The following CXADR variants were observed in gnomAD, a reference collection of about 807,000 sequenced individuals.
CXADR encodes CXADR cell adhesion molecule, also known as coxsackievirus and adenovirus receptor.
Under a neutral mutation model 40.3 loss-of-function variants are expected in CXADR, and 20 were observed. The ratio of observed to expected loss-of-function variants is 0.50; its 90% CI spans 0.35 to 0.72. The LOEUF is 0.72. Ranked by LOEUF, CXADR falls within the 30% of genes least tolerant of loss-of-function variation. The pLI, the probability that CXADR is intolerant of heterozygous loss-of-function variation, is 0.01. For missense variants in CXADR, 332 were observed against 449.1 expected, an observed-to-expected ratio of 0.74 and a Z score of 2.36; for synonymous variants, 150 against 161.3, an observed-to-expected ratio of 0.93 and a Z score of 0.53.
downstream of CXADR, among the ~76,000 whole-genome samples, chr21:17,575,028 C>T (rs2061310140): frequency 6.6e-6 from 1 of 151,690 alleles, no homozygotes; most frequent in East Asian, 1.9e-4. Context: ...TACATACATA[C>T]ATACATACAT....
In CXADR at chr21:17,568,716, G is replaced by C; in HGVS notation, c.*3024G>C. ...AGTTCTGTACTTTGAATATGGAGTA[G>C]TTTACAGCTATTTTTTTTTCTTACT... On this transcript the variant is annotated 3_prime_UTR_variant, in exon 7 of 7. Coordinates refer to ENST00000284878, the MANE Select transcript of CXADR (RefSeq NM_001338.5). 1.0e-6 allele frequency: 1 copy of C among 984,984 alleles called. No individual in the cohort carries two copies. Among genetic ancestry groups the C allele is most frequent in the Non-Finnish European group, 1.2e-6 (1 of 829,878 alleles). 61.0% of individuals were successfully genotyped at this position (984,984 alleles called of 1,614,324 possible).
intron 1 of CXADR, among the ~76,000 whole-genome samples, chr21:17,533,084 C>G (rs1331079012): frequency 6.6e-6 from 1 of 152,098 alleles, no homozygotes; most frequent in Non-Finnish European, 1.5e-5. Context: ...GTTGATTGAT[C>G]AATGGGCTAG....
intron 1 of CXADR, chr21:17,518,472 A>G (rs925801991): frequency 8.1e-6 from 6 of 744,930 alleles, no homozygotes; most frequent in Non-Finnish European, 1.5e-5. Flanking sequence ...AAACTTTGGA[A>G]CCACATAGCT....
At chr21:17,591,450 C>G (rs975406207) in intron 7 of CXADR, among the ~76,000 whole-genome samples, 1 of 151,934 alleles carries the variant, frequency 6.6e-6, no homozygotes. Context: ...TTAACACATA[C>G]CTCTGTTAGC....
At chr21:17,553,879 A>G (rs1250724009) in intron 3 of CXADR, among the ~76,000 whole-genome samples, 1 of 152,140 alleles carries the variant, frequency 6.6e-6, no homozygotes, top group East Asian at 1.9e-4. Flanking sequence ...GGCCTCCCAA[A>G]GTGCTGGGAT....
At chr21:17,588,378 C>A (rs1259211401) in intron 7 of CXADR, among the ~76,000 whole-genome samples, 1 of 152,114 alleles carries the variant, frequency 6.6e-6, no homozygotes, top group Non-Finnish European at 1.5e-5. Flanking sequence ...ATGGAATGTT[C>A]TTCCGTTTGT....
At chr21:17,578,244 G>A (rs1185178995) in intron 7 of CXADR, among the ~76,000 whole-genome samples, 1 of 152,214 alleles carries the variant, frequency 6.6e-6, no homozygotes, top group Admixed American at 6.5e-5. Context: ...ACCACCAGCA[G>A]TGTACAAGAG....
chr21:17,597,387 G>GA (rs970374318), downstream of CXADR, among the ~76,000 whole-genome samples: 6 of 150,294 alleles, frequency 4.0e-5, no homozygotes, highest in Non-Finnish European at 3.0e-5. Flanking sequence ...ATCACACAGA[G>GA]AAAAAAAATG....
chr21:17,578,051 TG>T, intron 7 of CXADR, among the ~76,000 whole-genome samples: 1 of 152,278 alleles, frequency 6.6e-6, no homozygotes, highest in South Asian at 2.1e-4. Context: ...ACATTTAGGT[TG>T]TTTCCACATC....
chr21:17,598,759 T>C, the CXADR span: 1 of 1,614,228 alleles, frequency 6.2e-7, no homozygotes, highest in Non-Finnish European at 8.5e-7. Context: ...CCTGGAGATC[T>C]CATCCTTGTT....
Position 17,565,957 on chromosome 21 carries a change from A to G in CXADR, c.*265A>G. 9.0e-7 allele frequency: 1 copy of G among 1,108,656 alleles called. No individual in the cohort carries two copies. Among genetic ancestry groups the G allele is most frequent in the East Asian group, 5.2e-5 (1 of 19,142 alleles). 68.7% of individuals were successfully genotyped at this position (1,108,656 alleles called of 1,614,324 possible). On this transcript the variant is annotated 3_prime_UTR_variant, in exon 7 of 7. Transcript: ENST00000284878. ...GATTATAAAGTTTTCTAAATTTATC[A>G]GTACCTAAGTAAGATGTAGCGCTTT...
the CXADR span, chr21:17,604,716 A>G: frequency 9.5e-7 from 1 of 1,055,382 alleles, no homozygotes; most frequent in Non-Finnish European, 1.3e-6. Flanking sequence ...ACCTCCAGAA[A>G]AGTATTTCAT....
chr21:17,540,182 T>C (rs1359930226), intron 1 of CXADR, among the ~76,000 whole-genome samples: 2 of 152,104 alleles, frequency 1.3e-5, no homozygotes, highest in African/African-American at 4.8e-5. Context: ...CCTTCTGTTC[T>C]GGGCTCTATG....
chr21:17,549,822 T>C (rs1256280975), intron 2 of CXADR, among the ~76,000 whole-genome samples: 2 of 152,146 alleles, frequency 1.3e-5, no homozygotes, highest in Non-Finnish European at 2.9e-5. Flanking sequence ...AGAGTTAGAT[T>C]CCACAGGCAA....
the CXADR span, chr21:17,613,769 G>A: frequency 6.6e-6 from 1 of 152,122 alleles, no homozygotes; most frequent in African/African-American, 2.4e-5. Flanking sequence ...CTTTTATATT[G>A]AGTTAACACC....
chr21:17,558,873 C>G (rs781186903), intron 3 of CXADR, 103 bp from the exon 4 acceptor site: 85 of 1,233,036 alleles, frequency 6.9e-5, no homozygotes, highest in Non-Finnish European at 9.2e-5. Context: ...GAATTCTGAA[C>G]CCAGAACCAA....
chr21:17,623,935 C>T, the CXADR span, among the ~76,000 whole-genome samples: 2 of 152,158 alleles, frequency 1.3e-5, no homozygotes, highest in African/African-American at 2.4e-5. Flanking sequence ...ATTCCTATGT[C>T]CATTGTAATT....
chr21:17,560,196 G>T (rs2061096853), intron 4 of CXADR, among the ~76,000 whole-genome samples: 1 of 152,168 alleles, frequency 6.6e-6, no homozygotes, highest in Admixed American at 6.5e-5. Context: ...AGTTCAAACT[G>T]ATGACCAGGC....
the CXADR span, among the ~76,000 whole-genome samples, chr21:17,629,750 T>C: frequency 6.6e-6 from 1 of 152,096 alleles, no homozygotes. Flanking sequence ...GGCAGGAAGA[T>C]CACTTGAGCC....
Sources: gnomAD v4.1 joint callset for allele counts (sites outside exome capture counted in the v4.1 genomes callset) on GRCh38, gnomAD v4.1.1 for gene constraint, MANE v1.5 for transcripts, NCBI Gene and HGNC (gene_info 2026-07-23, HGNC 2026-07-21) for gene names.